BACH2: variants seen among roughly 807,000 people sequenced by gnomAD.
BACH2 encodes transcription regulator protein BACH2.
BACH2 carries 5 observed loss-of-function variants against 61.8 expected under a neutral mutation model. The ratio of observed to expected loss-of-function variants is 0.08; its 90% CI spans 0.04 to 0.17. BACH2 has a LOEUF of 0.17. Among genes scored for constraint, BACH2 ranks in the 10% least tolerant of loss-of-function variants. The pLI is 1.00. For synonymous variants in BACH2, 446 were observed against 440.1 expected, an observed-to-expected ratio of 1.01 and a Z score of -0.17; for missense variants, 824 against 1,091.1, an observed-to-expected ratio of 0.76 and a Z score of 3.45.
In BACH2 at chr6:89,950,521, C is replaced by G; in HGVS notation, c.1585G>C (p.Ala529Pro). The G allele has an allele frequency of 2.5e-6, 4 of 1,613,432 alleles. No homozygotes were observed. Among genetic ancestry groups the G allele is most frequent in the Non-Finnish European group, 3.4e-6 (4 of 1,179,584 alleles). ...TSSSCSSYSY[A>P]EDGSGGSPCS... ...GGTGAGCCCCCGCTCCCGTCCTCCG[C>G]GTAGGAATAGGAAGAGCAGGAGCTG... The change falls in exon 7 of 9, where the codon GCG becomes CCG. Residue 529 changes from alanine to proline, a missense_variant. This residue lies in a region of BACH2 where 160 missense variants were observed against 283.5 expected (regional missense o/e 0.56). Transcript: ENST00000257749. The surrounding 1 kb of genome is among the most constrained non-coding windows in gnomAD (Gnocchi z 5.3).
At chr6:90,094,232 G>C (rs1382147595) in intron 4 of BACH2, among the ~76,000 whole-genome samples, 1 of 152,126 alleles carries the variant, frequency 6.6e-6, no homozygotes, top group African/African-American at 2.4e-5. Context: ...GAAATGATCA[G>C]GTTTTCTAGA....
chr6:89,998,776 T>C (rs1476632445), intron 6 of BACH2, among the ~76,000 whole-genome samples: 3 of 152,140 alleles, frequency 2.0e-5, no homozygotes. Context: ...ATCAATTTCC[T>C]GGCTTACAGC....
rs1413640921 is a variant in BACH2, at chr6:89,932,903, GA to G, written c.2044-14del. On this transcript the variant is annotated splice_polypyrimidine_tract_variant and intron_variant, in intron 8 of 8. Coordinates refer to ENST00000257749, the MANE Select transcript of BACH2 (RefSeq NM_021813.4). ...CTTTCTCACACACCTGGACAGTAGA[GA>G]AAAAAAGAGAAGGGTTGATCAAGCC... 1.3e-6 allele frequency: 2 copies of G among 1,542,526 alleles called. No individual in the cohort carries two copies. Among genetic ancestry groups the G allele is most frequent in the Non-Finnish European group, 1.8e-6 (2 of 1,141,940 alleles).
chr6:90,251,911 TG>T (rs1770823149), intron 3 of BACH2, among the ~76,000 whole-genome samples: 1 of 152,172 alleles, frequency 6.6e-6, no homozygotes. Context: ...CTTTCTGAGT[TG>T]TTTTTCCAGG....
At chr6:90,294,513 C>T (rs1382451094) in intron 1 of BACH2, among the ~76,000 whole-genome samples, 1 of 152,124 alleles carries the variant, frequency 6.6e-6, no homozygotes, top group Non-Finnish European at 1.5e-5. Flanking sequence ...ATTATAAACT[C>T]CAGAAAAACT....
At chr6:90,261,380 T>TA (rs942692490) in intron 2 of BACH2, among the ~76,000 whole-genome samples, 1 of 152,024 alleles carries the variant, frequency 6.6e-6, no homozygotes, top group Non-Finnish European at 1.5e-5. Flanking sequence ...AAAAGAATAT[T>TA]AAAAAAATGT....
intron 4 of BACH2, among the ~76,000 whole-genome samples, chr6:90,102,744 TGC>T (rs1279362039): frequency 1.0e-4 from 15 of 150,200 alleles, no homozygotes; most frequent in Non-Finnish European, 2.1e-4. Context: ...GAGCCGAGAT[TGC>T]GCCATTGCAC....
At chr6:90,244,782 C>G (rs1377929583) in intron 3 of BACH2, among the ~76,000 whole-genome samples, 1 of 152,248 alleles carries the variant, frequency 6.6e-6, no homozygotes, top group East Asian at 1.9e-4. Context: ...ATTGCCCCCT[C>G]TGAGCCATCA....
chr6:90,005,451 C>T (rs1777357247), intron 6 of BACH2, among the ~76,000 whole-genome samples: 1 of 152,156 alleles, frequency 6.6e-6, no homozygotes, highest in African/African-American at 2.4e-5. Context: ...GAACCAAATG[C>T]CGATTAGTTC....
rs57765055 is a variant in BACH2, at chr6:90,044,005, T to C, written c.-12-35149A>G. ...TAAGTGTTTTCATTCATTCCATCAA[T>C]ATTGATGGAGTGTCTACCATGTATA... is the stretch of plus-strand genomic sequence containing the variant. On this transcript the variant is annotated intron_variant, in intron 5 of 8. Coordinates refer to ENST00000257749, the MANE Select transcript of BACH2 (RefSeq NM_021813.4). Among the ~76,000 whole-genome samples, 1,114 of 152,282 alleles carry C rather than the reference T, an allele frequency of 7.3e-3. 53 individuals are homozygous for C. The East Asian group carries it at 0.14, about 19-fold the overall frequency.
chr6:90,074,624 C>A (rs1316976227), intron 5 of BACH2, among the ~76,000 whole-genome samples: 1 of 152,118 alleles, frequency 6.6e-6, no homozygotes, highest in Non-Finnish European at 1.5e-5. Flanking sequence ...TGCAGTAGGG[C>A]TCAATTCCTT....
rs879226832 is a variant in BACH2, at chr6:89,932,593, A to T, written c.2341T>A (p.Trp781Arg). The change falls in exon 9 of 9, where the codon TGG becomes AGG. Residue 781 changes from tryptophan (W) to arginine (R), a missense_variant. Coordinates refer to ENST00000257749, the MANE Select transcript of BACH2 (RefSeq NM_021813.4). ...TTCTCGGAGGTGTTGCTGGGTGCCC[A>T]GGGGGGTCCGGGGGGAGCCGCGCCT... Reference protein sequence around the residue: ...EPGAAPPGPPWAPSNTSENCT... With the variant: ...EPGAAPPGPPRAPSNTSENCT... 1 of 1,613,822 alleles carries T rather than the reference A, an allele frequency of 6.2e-7. No homozygotes were observed. The highest frequency in any genetic ancestry group is 8.5e-7 in the Non-Finnish European group (1 of 1,179,950).
In BACH2 at chr6:89,928,268, A is replaced by G. The variant is rs914789514; in HGVS notation, c.*4140T>C. 1 of 152,366 alleles carries G rather than the reference A, an allele frequency of 6.6e-6. No individual in the cohort carries two copies. Among genetic ancestry groups the G allele is most frequent in the Non-Finnish European group, 1.5e-5 (1 of 68,034 alleles). 9.4% of individuals were successfully genotyped at this position (152,366 alleles called of 1,614,324 possible). On this transcript the variant is annotated 3_prime_UTR_variant, in exon 9 of 9. Coordinates refer to ENST00000257749, the MANE Select transcript of BACH2 (RefSeq NM_021813.4). Reference sequence around the variant, plus strand: ...AGCAGTTTGAAGTCATTTCTAAGACAGCTCCTAGTTTAAATGGGGCATAAT... The same window carrying G: ...AGCAGTTTGAAGTCATTTCTAAGACGGCTCCTAGTTTAAATGGGGCATAAT...
chr6:89,968,955 A>G (rs939765189), intron 6 of BACH2, among the ~76,000 whole-genome samples: 18 of 151,962 alleles, frequency 1.2e-4, no homozygotes, highest in Non-Finnish European at 2.2e-4. Flanking sequence ...AGGTTGCAGT[A>G]AGCTGAGATT....
chr6:90,029,628 GA>G (rs1367337178), intron 5 of BACH2, among the ~76,000 whole-genome samples: 7 of 152,176 alleles, frequency 4.6e-5, no homozygotes, highest in Non-Finnish European at 1.0e-4. Flanking sequence ...TGAAGCCGCA[GA>G]ACTTCAAAGT....
chr6:90,260,443 C>A (rs979667276), intron 2 of BACH2, among the ~76,000 whole-genome samples: 3 of 152,148 alleles, frequency 2.0e-5, no homozygotes, highest in Non-Finnish European at 2.9e-5. Context: ...TAATTTCAAT[C>A]TTAAATTTTG....
chr6:90,171,441 C>T (rs1044389155), intron 4 of BACH2, among the ~76,000 whole-genome samples: 2 of 150,956 alleles, frequency 1.3e-5, no homozygotes, highest in Non-Finnish European at 3.0e-5. Flanking sequence ...CAAAACCCCA[C>T]AAAAAAACAA....
intron 4 of BACH2, among the ~76,000 whole-genome samples, chr6:90,091,884 T>A (rs1162113307): frequency 6.6e-6 from 1 of 152,182 alleles, no homozygotes; most frequent in East Asian, 1.9e-4. Context: ...CTTTACTTCA[T>A]AATTTAAGCA....
chr6:90,292,405 T>C (rs1165759149), intron 1 of BACH2, among the ~76,000 whole-genome samples: 3 of 152,198 alleles, frequency 2.0e-5, no homozygotes, highest in African/African-American at 7.2e-5. Flanking sequence ...TCCTCAGGCA[T>C]TACCCAGCCA....
Sources: allele counts gnomAD v4.1 joint callset (sites outside exome capture counted in the v4.1 genomes callset), GRCh38; gene constraint gnomAD v4.1.1; regional missense constraint gnomAD v4.1.1; non-coding constraint Gnocchi (gnomAD v3.1); transcripts MANE v1.5; gene names NCBI Gene and HGNC (gene_info 2026-07-23, HGNC 2026-07-21).